The following IGDCC4 variants were observed in gnomAD, a reference collection of about 807,000 sequenced individuals.
IGDCC4 encodes the protein immunoglobulin superfamily DCC subclass member 4.
A neutral mutation model predicts 116.6 loss-of-function variants in IGDCC4; 72 were observed. That is an observed-to-expected ratio of 0.62 (90% CI 0.51 to 0.75). IGDCC4 has a LOEUF of 0.75. Among genes scored for constraint, IGDCC4 ranks in the 30% least tolerant of loss-of-function variants. The probability of loss-of-function intolerance (pLI) is 0.00; values close to 1 mark genes in which losing one functional copy is unlikely to be tolerated. For synonymous variants in IGDCC4, 709 were observed against 719.9 expected, an observed-to-expected ratio of 0.98 and a Z score of 0.24; for missense variants, 1,501 against 1,662.4, an observed-to-expected ratio of 0.90 and a Z score of 1.69.
At chr15:65,410,743 G>A (rs537254885) in intron 2 of IGDCC4, 2 of 496,702 alleles carry the variant, frequency 4.0e-6, no homozygotes, top group East Asian at 3.4e-5. Context: ...ACTCTGGCAG[G>A]CTCCCTGGAG....
rs1314863839 is a variant in IGDCC4, at chr15:65,391,898, C to T, written c.2206G>A (p.Glu736Lys). Residue 736 changes from glutamate to lysine, a missense_variant, in exon 12 of 20, where the codon GAG (glutamate) becomes AAG (lysine). Physicochemically the swap from Glu to Lys is moderately conservative, Grantham distance 56 (BLOSUM62 1). Coordinates refer to ENST00000352385, the MANE Select transcript of IGDCC4 (RefSeq NM_020962.3). Reference protein sequence around the residue: ...GYAAVWKGKTEKAPAPDMPIQ... With the variant: ...GYAAVWKGKTKKAPAPDMPIQ... ...CCCTCACCTGGTGCCGGCGCCTTCT[C>T]CGTCTTGCCCTTCCACACTGCTGCA... 2.5e-6 allele frequency: 4 copies of T among 1,613,806 alleles called. No homozygotes were observed. In the African/African-American group the frequency reaches 5.3e-5, roughly 22 times the overall value.
At chr15:65,396,331 T>G in intron 6 of IGDCC4, 168 bp from the exon 7 acceptor site, 1 of 748,382 alleles carries the variant, frequency 1.3e-6, no homozygotes. Context: ...AGCGCAGACC[T>G]ACCCTTTCTT....
chr15:65,422,180 G>T (rs891448352), intron 1 of IGDCC4, among the ~76,000 whole-genome samples: 7 of 151,998 alleles, frequency 4.6e-5, no homozygotes, highest in Admixed American at 3.3e-4. Context: ...CGGCCCCAGG[G>T]ACCACACCCA....
At chr15:65,415,288 C>T (rs534173146) in intron 1 of IGDCC4, among the ~76,000 whole-genome samples, 2 of 152,320 alleles carry the variant, frequency 1.3e-5, no homozygotes, top group East Asian at 1.9e-4. Context: ...TCCCCTGCTG[C>T]GTTGAACAAA....
chr15:65,389,009 T>C, intron 14 of IGDCC4, 31 bp from the exon 15 acceptor site: 4 of 1,465,060 alleles, frequency 2.7e-6, no homozygotes, highest in East Asian at 2.3e-5. Flanking sequence ...TGGGGAGAGA[T>C]GTCAGAGCTG....
chr15:65,384,905 C>A lies in IGDCC4; in HGVS notation c.3342+49G>T. On this transcript the variant is annotated intron_variant, in intron 19 of 19. Coordinates refer to ENST00000352385, the MANE Select transcript of IGDCC4 (RefSeq NM_020962.3). This position sits in a 1 kb window ranked among gnomAD's most constrained non-coding sequence, Gnocchi z 4.9. The stretch of plus-strand genomic sequence containing the variant: ...GAACTCATTACTTCCTCTTCACAAG[C>A]ACAGAGACCCTTTCCTCCTTTCCTG... The A allele has an allele frequency of 6.4e-7, 1 of 1,565,354 alleles. No homozygotes were observed. The highest frequency in any genetic ancestry group is 8.6e-7 in the Non-Finnish European group (1 of 1,164,942).
At chr15:65,385,146 G>T in intron 18 of IGDCC4, 31 bp from the exon 19 acceptor site, 1 of 1,533,912 alleles carries the variant, frequency 6.5e-7, no homozygotes, top group South Asian at 1.2e-5. Flanking sequence ...GACAGTAAGG[G>T]GCACGACCAG....
chr15:65,396,645 C>T (rs949794895), intron 6 of IGDCC4, among the ~76,000 whole-genome samples, 189 bp downstream of exon 6: 1 of 152,120 alleles, frequency 6.6e-6, no homozygotes, highest in African/African-American at 2.4e-5. Flanking sequence ...CTCAACGCCC[C>T]GCACTCCGTC....
chr15:65,382,590 A>G lies in IGDCC4; in HGVS notation c.*1419T>C, dbSNP rs575620770. On this transcript the variant is annotated 3_prime_UTR_variant, in exon 20 of 20. Transcript: ENST00000352385. ...TGACATTGTTTTCACTACACAGAAA[A>G]TAGAAGTCAAGCTTGTCCCTGTGCG... is the stretch of plus-strand genomic sequence containing the variant. The G allele has an allele frequency of 4.6e-5, 7 of 152,698 alleles. No individual in the cohort carries two copies. In the East Asian group the frequency reaches 1.4e-3, roughly 29 times the overall value. The allele number at this position is 152,698 out of a possible 1,614,324, so 9.5% of individuals were successfully genotyped here. A position where few individuals can be genotyped will look rare whatever the true frequency, so the allele number is the denominator to read the frequency against.
In IGDCC4 at chr15:65,395,249, T is replaced by C. The variant is rs1271413194; in HGVS notation, c.1421A>G (p.Asn474Ser). The C allele has an allele frequency of 3.7e-6, 6 of 1,612,932 alleles. No individual in the cohort carries two copies. Among genetic ancestry groups the C allele is most frequent in the Non-Finnish European group, 5.1e-6 (6 of 1,179,100 alleles). The change falls in exon 8 of 20, where the codon AAT becomes AGT. Residue 474 changes from asparagine to serine, a missense_variant. Asn to Ser is a conservative substitution (Grantham distance 46). Coordinates refer to ENST00000352385, the MANE Select transcript of IGDCC4 (RefSeq NM_020962.3). ...GTTCACTGCAAACTGGTATTCCACA[T>C]TGTCCATGCCTGGTGACACGGGGGA... ...LHYQKARGMDNVEYQFAVNND... is the reference protein window; with the variant it reads ...LHYQKARGMDSVEYQFAVNND...
In IGDCC4 at chr15:65,402,521, G is replaced by A. The variant is rs537578118; in HGVS notation, c.564-34C>T. 5.1e-6 allele frequency: 8 copies of A among 1,556,248 alleles called. No individual in the cohort carries two copies. The African/African-American group carries it at 6.8e-5, about 13-fold the overall frequency. On this transcript the variant is annotated intron_variant, in intron 3 of 19. Transcript: ENST00000352385. ...GAGGGGAGCAGGCAACTGTGAGGTGGGCAGGGGGGCCACAGGGAGGGTGGC... is the reference window on the plus strand; with the variant it reads ...GAGGGGAGCAGGCAACTGTGAGGTGAGCAGGGGGGCCACAGGGAGGGTGGC...
chr15:65,391,776 A>C, intron 12 of IGDCC4, 104 bp downstream of exon 12: 1 of 990,730 alleles, frequency 1.0e-6, no homozygotes, highest in Non-Finnish European at 1.6e-6. Flanking sequence ...AGCTGAGGCT[A>C]CTAAAGTACC....
In IGDCC4 at chr15:65,395,998, C is replaced by T. The variant is rs1210715399; in HGVS notation, c.1163G>A (p.Gly388Asp). 1.9e-6 allele frequency: 3 copies of T among 1,547,336 alleles called. No individual in the cohort carries two copies. Among genetic ancestry groups the T allele is most frequent in the Non-Finnish European group, 2.6e-6 (3 of 1,155,152 alleles). ...GCCGATCTGTGTGATGACCAGGCTG[C>T]CACCGCCGCCCTGGACCTTGACGCG... ...NGRVKVQGGG[G>D]SLVITQIGLQ... Residue 388 changes from glycine (G) to aspartate (D), a missense_variant, in exon 7 of 20, where the codon GGC (glycine) becomes GAC (aspartate). By Grantham distance (94) the Gly-to-Asp change is moderately conservative (BLOSUM62 -1). This residue lies in a region of IGDCC4 where 898 missense variants were observed against 978.9 expected (regional missense o/e 0.92). Coordinates refer to ENST00000352385, the MANE Select transcript of IGDCC4 (RefSeq NM_020962.3).
At chr15:65,389,947 T>C (rs1476065750) in intron 13 of IGDCC4, among the ~76,000 whole-genome samples, 4 of 152,112 alleles carry the variant, frequency 2.6e-5, no homozygotes, top group African/African-American at 9.7e-5. Context: ...GGGGACGGGA[T>C]TGGATGGCCT....
intron 4 of IGDCC4, 140 bp from the exon 5 acceptor site, chr15:65,401,086 C>T: frequency 2.8e-6 from 3 of 1,082,832 alleles, no homozygotes; most frequent in Non-Finnish European, 2.7e-6. Flanking sequence ...GGGACGTAGC[C>T]ATAAAATTCA....
intron 18 of IGDCC4, chr15:65,385,554 C>G (rs1048325058): frequency 1.4e-5 from 8 of 577,296 alleles, no homozygotes; most frequent in African/African-American, 1.9e-5. Context: ...TCCCCAGCTC[C>G]AGGGATGAGG....
chr15:65,396,882 G>A lies in IGDCC4; in HGVS notation c.949C>T (p.Pro317Ser). The part of the protein sequence containing the change: ...SGVYVCRANK[P>S]RTRDFATAAA... The stretch of plus-strand genomic sequence containing the variant: ...GCAGTGGCGAAGTCGCGCGTGCGGG[G>A]CTTGTTGGCGCGGCAGACATAGACG... Residue 317 changes from proline to serine, a missense_variant, in exon 6 of 20, where the codon CCC becomes TCC. By Grantham distance (74) the Pro-to-Ser change is moderately conservative. Around this residue, in one of 3 missense-constraint regions of IGDCC4, gnomAD observed 898 missense variants for 978.9 expected, o/e 0.92. Coordinates refer to ENST00000352385, the MANE Select transcript of IGDCC4 (RefSeq NM_020962.3). 6.3e-7 allele frequency: 1 copy of A among 1,576,112 alleles called. No homozygotes were observed. Among genetic ancestry groups the A allele is most frequent in the South Asian group, 1.2e-5 (1 of 86,008 alleles).
At chr15:65,415,776 T>C (rs2063136794) in intron 1 of IGDCC4, among the ~76,000 whole-genome samples, 2 of 152,214 alleles carry the variant, frequency 1.3e-5, no homozygotes, top group South Asian at 4.1e-4. Context: ...CTCAACCTGA[T>C]TTCTGTGCCC....
intron 6 of IGDCC4, 130 bp downstream of exon 6, chr15:65,396,704 G>A: frequency 1.7e-6 from 2 of 1,176,662 alleles, no homozygotes; most frequent in East Asian, 2.6e-5. Context: ...CCTTACTAGG[G>A]ACTCCTCCCT....
Sources: allele counts gnomAD v4.1 joint callset (sites outside exome capture counted in the v4.1 genomes callset), GRCh38; gene constraint gnomAD v4.1.1; regional missense constraint gnomAD v4.1.1; non-coding constraint Gnocchi (gnomAD v3.1); transcripts MANE v1.5; gene names NCBI Gene and HGNC (gene_info 2026-07-23, HGNC 2026-07-21).